The following NT5DC1 variants were observed in gnomAD, a reference collection of about 807,000 sequenced individuals.
NT5DC1 encodes 5'-nucleotidase domain containing 1.
Under a neutral mutation model 59.4 loss-of-function variants are expected in NT5DC1, and 42 were observed. The observed-to-expected ratio is 0.71, with a 90% CI of 0.55 to 0.92. NT5DC1 has a LOEUF of 0.92. Among genes scored for constraint, NT5DC1 ranks in the 40% least tolerant of loss-of-function variants. NT5DC1 has a pLI of 0.00. For missense variants in NT5DC1, 501 were observed against 537.1 expected (o/e 0.93, Z 0.66); for synonymous variants, 172 against 188.1 (o/e 0.91, Z 0.70).
intron 6 of NT5DC1, among the ~76,000 whole-genome samples, chr6:116,157,380 G>T (rs1369792595): frequency 6.6e-6 from 1 of 152,168 alleles, no homozygotes; most frequent in African/African-American, 2.4e-5. Context: ...ACAGTCTTTG[G>T]CCACTGCTAT....
chr6:116,204,560 G>GT lies in NT5DC1; in HGVS notation c.530-16493dup, dbSNP rs1459255640. On this transcript the variant is annotated intron_variant, in intron 6 of 11. Transcript: ENST00000319550. The stretch of plus-strand genomic sequence containing the variant: ...CCCAACAATTCTGAAAGCAAACTCA[G>GT]TGTAAATATTAAGATTAGAAACGCA... 2.0e-5 allele frequency among the ~76,000 whole-genome samples: 3 copies of GT among 151,894 alleles called. No individual in the cohort carries two copies. In the East Asian group the frequency reaches 5.8e-4, roughly 30 times the overall value.
chr6:116,113,471 C>T (rs1336741154), intron 4 of NT5DC1, among the ~76,000 whole-genome samples: 1 of 152,190 alleles, frequency 6.6e-6, no homozygotes, highest in Non-Finnish European at 1.5e-5. Flanking sequence ...CTAATCACTT[C>T]ATTAGCAATG....
chr6:116,138,757 GTATTTA>G (rs760944358), intron 6 of NT5DC1, among the ~76,000 whole-genome samples: 1 of 152,062 alleles, frequency 6.6e-6, no homozygotes, highest in Non-Finnish European at 1.5e-5. Flanking sequence ...TCATTTTGTA[GTATTTA>G]TATTTGTATA....
At chr6:116,219,387 T>G (rs886342703) in intron 6 of NT5DC1, among the ~76,000 whole-genome samples, 3 of 152,146 alleles carry the variant, frequency 2.0e-5, no homozygotes, top group Non-Finnish European at 4.4e-5. Flanking sequence ...TACTTCAGGA[T>G]CCTGCAGCAA....
chr6:116,128,915 T>C (rs1383207997), intron 6 of NT5DC1, among the ~76,000 whole-genome samples: 1 of 152,194 alleles, frequency 6.6e-6, no homozygotes, highest in Non-Finnish European at 1.5e-5. Context: ...TCATATGCTT[T>C]TTAAACTTTT....
At chr6:116,117,086 T>C (rs1429270122) in intron 5 of NT5DC1, among the ~76,000 whole-genome samples, 1 of 152,250 alleles carries the variant, frequency 6.6e-6, no homozygotes, top group Non-Finnish European at 1.5e-5. Context: ...AAGTGTGCAC[T>C]GAATTCTAAA....
chr6:116,159,101 A>G (rs916269790), intron 6 of NT5DC1, among the ~76,000 whole-genome samples: 2 of 152,164 alleles, frequency 1.3e-5, no homozygotes, highest in Admixed American at 1.3e-4. Context: ...CTAACTAGCA[A>G]TGTTATGGAA....
chr6:116,128,366 CT>C (rs1779377856), intron 6 of NT5DC1, among the ~76,000 whole-genome samples: 1 of 152,122 alleles, frequency 6.6e-6, no homozygotes, highest in Non-Finnish European at 1.5e-5. Context: ...GTATTTAAAA[CT>C]ATTTTTACTC....
rs530143149 is a variant in NT5DC1 at position 116,221,092 on chromosome 6, C to T, written c.568C>T (p.Pro190Ser). The change falls in exon 7 of 12, where the codon CCA becomes TCA. Residue 190 changes from proline to serine, a missense_variant. By Grantham distance (74) the Pro-to-Ser change is moderately conservative. Transcript: ENST00000319550. ...ATATTTTCCAGAAATAAAAAGAGAT[C>T]CAGGCAGATATTTACATAGTTGTCC... The part of the protein sequence containing the change: ...GIYFPEIKRD[P>S]GRYLHSCPES... The T allele has an allele frequency of 9.0e-6, 14 of 1,556,768 alleles. No individual in the cohort carries two copies.
chr6:116,232,033 A>G (rs577823126), intron 8 of NT5DC1, among the ~76,000 whole-genome samples: 1 of 152,308 alleles, frequency 6.6e-6, no homozygotes, highest in South Asian at 2.1e-4. Flanking sequence ...ACCAGGTTGT[A>G]GCAGGATTGG....
chr6:116,155,977 G>GA (rs1158115684), intron 6 of NT5DC1, among the ~76,000 whole-genome samples: 1 of 152,040 alleles, frequency 6.6e-6, no homozygotes. Context: ...GAATGGGCTA[G>GA]AAAAAAATTA....
chr6:116,120,166 C>T lies in NT5DC1; in HGVS notation c.529+2221C>T, dbSNP rs767177364. The T allele has an allele frequency of 1.1e-5, 17 of 1,614,142 alleles. 1 individual carries two copies. The East Asian group carries it at 3.6e-4, about 34-fold the overall frequency. ...ACTCGGCATTGGGAAGCTGGAGCCA[C>T]ACCTGGTCATTTTCTGTGAGATCGA... On this transcript the variant is annotated intron_variant, in intron 6 of 11. Transcript: ENST00000319550.
At chr6:116,101,151 C>G in intron 1 of NT5DC1, 128 bp downstream of exon 1, 1 of 654,814 alleles carries the variant, frequency 1.5e-6, no homozygotes. Flanking sequence ...TGCCGCAGAG[C>G]GCGGCCTCCA....
chr6:116,119,284 G>A (rs1472881337), intron 6 of NT5DC1: 1 of 152,494 alleles, frequency 6.6e-6, no homozygotes, highest in East Asian at 1.9e-4. Flanking sequence ...GATTCAATAA[G>A]GAATTAAAGA....
chr6:116,136,721 G>T (rs1212442879), intron 6 of NT5DC1, among the ~76,000 whole-genome samples: 1 of 152,154 alleles, frequency 6.6e-6, no homozygotes. Flanking sequence ...GTTATCATGA[G>T]TTTGGAAAAC....
At chr6:116,238,097 C>T in intron 9 of NT5DC1, 90 bp from the exon 10 acceptor site, 1 of 855,806 alleles carries the variant, frequency 1.2e-6, no homozygotes, top group Admixed American at 2.4e-5. Context: ...TACTCTGATG[C>T]CTGTTGAGAA....
At position 116,187,830 on chromosome 6, in the gene NT5DC1, GTATT is replaced by G. The variant is rs566578410; in HGVS notation, c.530-33223_530-33220del. Among the ~76,000 whole-genome samples the G allele has an allele frequency of 6.6e-5, 10 of 152,118 alleles. No individual in the cohort carries two copies. In the East Asian group the frequency reaches 1.9e-3, roughly 30 times the overall value. On this transcript the variant is annotated intron_variant, in intron 6 of 11. Transcript: ENST00000319550. Reference sequence around the variant, plus strand: ...ATATTTCTTAAATAGGATAGAAACAGTATTGATTGATTGTAAAGGAAAAGTGAAT... The same window carrying G: ...ATATTTCTTAAATAGGATAGAAACAGGATTGATTGTAAAGGAAAAGTGAAT...
rs372038325 is a variant in NT5DC1 at position 116,144,277 on chromosome 6, C to T, written c.529+26332C>T. On this transcript the variant is annotated intron_variant, in intron 6 of 11. Coordinates refer to ENST00000319550, the MANE Select transcript of NT5DC1 (RefSeq NM_152729.3). ...CAGCACTTTGGGAGGCCGAGGCGGG[C>T]GGATCATGAAGTCAGGAGATCAAGA... 4.3e-4 allele frequency among the ~76,000 whole-genome samples: 65 copies of T among 152,178 alleles called. 1 individual carries two copies. The highest frequency in any genetic ancestry group is 1.5e-3 in the African/African-American group (61 of 41,514).
chr6:116,241,957 AAAC>A (rs1771739645), intron 11 of NT5DC1, among the ~76,000 whole-genome samples: 99 of 146,444 alleles, frequency 6.8e-4, no homozygotes, highest in African/African-American at 1.1e-3. Flanking sequence ...AAAAAAAAAA[AAAC>A]AAAGAATCAG....
Sources: allele counts gnomAD v4.1 joint callset (sites outside exome capture counted in the v4.1 genomes callset), GRCh38; gene constraint gnomAD v4.1.1; transcripts MANE v1.5; gene names NCBI Gene and HGNC (gene_info 2026-07-23, HGNC 2026-07-21).